Variants in UNC79 observed in about 807,000 individuals in gnomAD.
UNC79 encodes the protein unc-79 subunit of NALCN channel complex, also known as protein unc-79 homolog.
Under a neutral mutation model 283.1 loss-of-function variants are expected in UNC79, and 37 were observed. That is an observed-to-expected ratio of 0.13 (90% confidence interval 0.10 to 0.17). The LOEUF (loss-of-function observed/expected upper bound fraction) is 0.17. Among genes scored for constraint, UNC79 ranks in the 10% least tolerant of loss-of-function variants. The pLI is 1.00. For missense variants in UNC79, 2,272 were observed against 3,211.1 expected (o/e 0.71, Z 7.07); for synonymous variants, 1,107 against 1,200.2 (o/e 0.92, Z 1.61).
intron 4 of UNC79, among the ~76,000 whole-genome samples, chr14:93,482,301 T>C (rs2058183367): frequency 6.6e-6 from 1 of 152,200 alleles, no homozygotes; most frequent in Admixed American, 6.5e-5. Flanking sequence ...GTTTTTGGAT[T>C]CACAGAATCT....
chr14:93,356,545 A>G (rs189125216), intron 1 of UNC79, among the ~76,000 whole-genome samples: 6 of 152,128 alleles, frequency 3.9e-5, no homozygotes, highest in Non-Finnish European at 8.8e-5. Context: ...GTATTTCACC[A>G]GTGTCTGGCC....
intron 7 of UNC79, among the ~76,000 whole-genome samples, chr14:93,517,646 G>A (rs553027660): frequency 5.3e-5 from 8 of 151,832 alleles, no homozygotes; most frequent in South Asian, 2.1e-4. Context: ...TCTTGGCAAC[G>A]TTATGCCTTT....
intron 1 of UNC79, among the ~76,000 whole-genome samples, chr14:93,392,765 A>T (rs1312216290): frequency 6.7e-6 from 1 of 149,636 alleles, no homozygotes; most frequent in African/African-American, 2.5e-5. Flanking sequence ...GATTACCCAA[A>T]TCTCTTGGGA....
chr14:93,552,898 A>G (rs1321413422), intron 14 of UNC79, among the ~76,000 whole-genome samples: 1 of 152,224 alleles, frequency 6.6e-6, no homozygotes, highest in African/African-American at 2.4e-5. Context: ...TTTACTTACC[A>G]TAGGTCAGGA....
At chr14:93,430,040 T>C (rs1363841106), upstream of UNC79, among the ~76,000 whole-genome samples, 1 of 152,224 alleles carries the variant, frequency 6.6e-6, no homozygotes, top group African/African-American at 2.4e-5. The surrounding 1 kb of genome is among the most constrained non-coding windows in gnomAD (Gnocchi z 4.6). Context: ...TTCCTATTAA[T>C]ATGCACGATG....
intron 13 of UNC79, among the ~76,000 whole-genome samples, chr14:93,541,530 A>G (rs1042830672): frequency 1.3e-5 from 2 of 152,290 alleles, no homozygotes; most frequent in Non-Finnish European, 2.9e-5. Flanking sequence ...CCAAATTGGC[A>G]TTTAATTGTT....
intron 1 of UNC79, among the ~76,000 whole-genome samples, chr14:93,416,851 T>G (rs2055472047): frequency 6.6e-6 from 1 of 152,188 alleles, no homozygotes; most frequent in Non-Finnish European, 1.5e-5. Flanking sequence ...AACCCCTGCC[T>G]TTTTTTGTTT....
At chr14:93,408,651 C>T (rs768996823) in intron 1 of UNC79, among the ~76,000 whole-genome samples, 52 of 152,188 alleles carry the variant, frequency 3.4e-4, no homozygotes, top group Admixed American at 8.5e-4. Context: ...ATGTTTGCAC[C>T]GCTGCATTCT....
intron 5 of UNC79, among the ~76,000 whole-genome samples, chr14:93,492,809 A>G (rs2058796625): frequency 6.6e-6 from 1 of 152,210 alleles, no homozygotes; most frequent in African/African-American, 2.4e-5. Context: ...TGTACAAGAA[A>G]GTGTCTTGGA....
intron 1 of UNC79, among the ~76,000 whole-genome samples, chr14:93,340,180 T>C (rs12435698): frequency 0.37 from 56,308 of 151,964 alleles, 11,627 homozygotes; most frequent in African/African-American, 0.56. Flanking sequence ...CGGTGGCTCA[T>C]GCCTGTAATC....
At chr14:93,532,667 G>A (rs928269745) in intron 11 of UNC79, 89 bp downstream of exon 11, 23 of 1,517,988 alleles carry the variant, frequency 1.5e-5, no homozygotes, top group Admixed American at 8.6e-5. Flanking sequence ...TTTCTGCACC[G>A]TGGTTTCCAG....
At chr14:93,358,315 T>A (rs193281492) in intron 1 of UNC79, among the ~76,000 whole-genome samples, 86 of 152,252 alleles carry the variant, frequency 5.6e-4, no homozygotes, top group Admixed American at 2.0e-3. Flanking sequence ...ATGAAGTTGG[T>A]TGGTTGCTCC....
rs185844 is a variant in UNC79 at position 93,432,448 on chromosome 14, T to C, written c.22+1397T>C. On this transcript the variant is annotated intron_variant, in intron 1 of 48. Coordinates refer to ENST00000555664, the Ensembl canonical transcript of UNC79. ...GGGCTAATCATGCTGATGGGGTTGT[T>C]GTGGGGAATGAGAGAATACATATAA... Among the ~76,000 whole-genome samples the C allele has an allele frequency of 3.1e-4, 47 of 152,322 alleles. No homozygotes were observed. In the East Asian group the frequency reaches 6.4e-3, roughly 21 times the overall value.
chr14:93,566,843 T>C (rs1424938701), intron 14 of UNC79, among the ~76,000 whole-genome samples: 1 of 152,078 alleles, frequency 6.6e-6, no homozygotes, highest in East Asian at 1.9e-4. Flanking sequence ...GGTCTTGATC[T>C]CCTGACCTCG....
At chr14:93,639,042 A>C (rs2068772151) in intron 32 of UNC79, among the ~76,000 whole-genome samples, 1 of 152,190 alleles carries the variant, frequency 6.6e-6, no homozygotes, top group South Asian at 2.1e-4. Context: ...ATTGTCAAAA[A>C]CACCTCTTTC....
chr14:93,677,056 G>A lies in UNC79; in HGVS notation c.6741+3601G>A, dbSNP rs190277094. Among the ~76,000 whole-genome samples, 318 of 152,228 alleles carry A rather than the reference G, an allele frequency of 2.1e-3. 4 individuals carry two copies. Among genetic ancestry groups the A allele is most frequent in the African/African-American group, 7.2e-3 (300 of 41,528 alleles). On this transcript the variant is annotated intron_variant, in intron 41 of 48. Coordinates refer to ENST00000555664, the Ensembl canonical transcript of UNC79. ...TCTTCTCCAACAAAAAATGTTGAGC[G>A]TGGTTTGTTCCTGGGTTTCAGCACC...
chr14:93,704,576 G>A (rs1481174573), intron 47 of UNC79, 49 bp from the exon 51 acceptor site: 3 of 1,601,318 alleles, frequency 1.9e-6, no homozygotes, highest in South Asian at 2.2e-5. Context: ...GAAGCTTTGT[G>A]GGAGAATAGA....
chr14:93,601,997 T>C (rs2065543006), intron 25 of UNC79, among the ~76,000 whole-genome samples: 1 of 152,210 alleles, frequency 6.6e-6, no homozygotes, highest in African/African-American at 2.4e-5. Context: ...AGATTCTGGA[T>C]ATTGGTCCTC....
intron 46 of UNC79, among the ~76,000 whole-genome samples, chr14:93,692,898 G>A (rs1179244086): frequency 1.3e-5 from 2 of 152,138 alleles, no homozygotes; most frequent in African/African-American, 4.8e-5. Flanking sequence ...GTCTTGTTAT[G>A]GGGACACCAT....
Sources: gnomAD v4.1 joint callset for allele counts (sites outside exome capture counted in the v4.1 genomes callset) on GRCh38, gnomAD v4.1.1 for gene constraint, Gnocchi (gnomAD v3.1) non-coding constraint, MANE v1.5 for transcripts, NCBI Gene and HGNC (gene_info 2026-07-23, HGNC 2026-07-21) for gene names.